Variants in ZCCHC14 observed in about 807,000 individuals in gnomAD.
The protein encoded by ZCCHC14 is zinc finger CCHC domain-containing protein 14.
A neutral mutation model predicts 85.0 loss-of-function variants in ZCCHC14; 16 were observed. That is an observed-to-expected ratio of 0.19 (90% CI 0.13 to 0.29). ZCCHC14 has a LOEUF of 0.29. Among genes scored for constraint, ZCCHC14 ranks in the 10% least tolerant of loss-of-function variants. The pLI, the probability that ZCCHC14 is intolerant of heterozygous loss-of-function variation, is 1.00. For missense variants in ZCCHC14, 1,303 were observed against 1,443.5 expected (o/e 0.90, Z 1.58); for synonymous variants, 775 against 630.7 (o/e 1.23, Z -3.43).
At chr16:87,485,644 G>A (rs1007358653) in intron 1 of ZCCHC14, among the ~76,000 whole-genome samples, 1 of 149,718 alleles carries the variant, frequency 6.7e-6, no homozygotes, top group African/African-American at 2.5e-5. Flanking sequence ...ATCCCTCTAA[G>A]GTGGGGGGCG....
Position 87,447,898 on chromosome 16 carries a change from G to C in ZCCHC14, c.694+12110C>G, listed in dbSNP as rs181902470. On this transcript the variant is annotated intron_variant, in intron 2 of 12. Coordinates refer to ENST00000671377, the MANE Select transcript of ZCCHC14 (RefSeq NM_015144.3). ...CTGACTTCCATTACCTCGGTGAATA[G>C]AAATGATACTCTCCTGTGGCTTTGA... is the stretch of plus-strand genomic sequence containing the variant. Among the ~76,000 whole-genome samples the C allele has an allele frequency of 2.1e-3, 321 of 152,278 alleles. 2 individuals carry two copies. The highest frequency in any genetic ancestry group is 7.3e-3 in the African/African-American group (302 of 41,544).
At position 87,492,273 on chromosome 16, in the gene ZCCHC14, G is replaced by C; in HGVS notation, c.-35C>G. Reference sequence around the variant, plus strand: ...CGCGCCGCGCCGCGACCCGGGGCCGGGGACCGCGCGGGGGCGGCCGGGGGG... The same window carrying C: ...CGCGCCGCGCCGCGACCCGGGGCCGCGGACCGCGCGGGGGCGGCCGGGGGG... On this transcript the variant is annotated 5_prime_UTR_variant, in exon 1 of 13. Coordinates refer to ENST00000671377, the MANE Select transcript of ZCCHC14 (RefSeq NM_015144.3). This position sits in a 1 kb window ranked among gnomAD's most constrained non-coding sequence, Gnocchi z 6.7. 1 of 978,232 alleles carries C rather than the reference G, an allele frequency of 1.0e-6. No homozygotes were observed. 60.6% of individuals were successfully genotyped at this position (978,232 alleles called of 1,614,324 possible).
intron 1 of ZCCHC14, among the ~76,000 whole-genome samples, chr16:87,487,043 C>T (rs1912541923): frequency 6.6e-6 from 1 of 152,244 alleles, no homozygotes; most frequent in Admixed American, 6.5e-5. Context: ...CATGTTTCAC[C>T]TCTGAACTGC....
intron 2 of ZCCHC14, among the ~76,000 whole-genome samples, chr16:87,438,899 T>A (rs1406321997): frequency 6.6e-6 from 1 of 152,212 alleles, no homozygotes. Context: ...AGAGGTGAAG[T>A]GTCCTGCCTC....
At chr16:87,437,690 C>A (rs1156499296) in intron 2 of ZCCHC14, among the ~76,000 whole-genome samples, 3 of 152,234 alleles carry the variant, frequency 2.0e-5, no homozygotes, top group Non-Finnish European at 4.4e-5. Flanking sequence ...TCTGTTCAAA[C>A]CTTTCTTCTT....
chr16:87,486,254 G>A (rs1399546507), intron 1 of ZCCHC14, among the ~76,000 whole-genome samples: 8 of 151,568 alleles, frequency 5.3e-5, no homozygotes, highest in Admixed American at 1.3e-4. Context: ...ATCCCAGCAC[G>A]GTCACGCACT....
intron 2 of ZCCHC14, among the ~76,000 whole-genome samples, chr16:87,445,191 G>C (rs976503398): frequency 3.3e-5 from 5 of 151,456 alleles, no homozygotes; most frequent in African/African-American, 9.7e-5. Context: ...CTCAGCCTCC[G>C]AAGCAGCTGG....
chr16:87,459,962 T>G (rs377131494), intron 2 of ZCCHC14, 46 bp downstream of exon 2: 1 of 1,612,882 alleles, frequency 6.2e-7, no homozygotes, highest in Non-Finnish European at 8.5e-7. Context: ...GGTGTGCCCA[T>G]CCTCCGTCCG....
intron 1 of ZCCHC14, among the ~76,000 whole-genome samples, chr16:87,464,080 C>T (rs181907503): frequency 3.9e-5 from 6 of 152,328 alleles, no homozygotes; most frequent in South Asian, 2.1e-4. Context: ...GTGATCAGTG[C>T]GTTCTCGCAC....
intron 1 of ZCCHC14, among the ~76,000 whole-genome samples, chr16:87,484,135 T>C (rs1912409713): frequency 6.6e-6 from 1 of 152,228 alleles, no homozygotes; most frequent in Non-Finnish European, 1.5e-5. Flanking sequence ...GTGTGCTATC[T>C]GCAAAGAGGG....
intron 1 of ZCCHC14, among the ~76,000 whole-genome samples, chr16:87,490,628 T>C (rs1378265577): frequency 6.6e-6 from 1 of 152,174 alleles, no homozygotes; most frequent in Non-Finnish European, 1.5e-5. Context: ...TAACCTAACA[T>C]TCCTTAAGGC....
intron 1 of ZCCHC14, among the ~76,000 whole-genome samples, chr16:87,485,744 C>T (rs1424157435): frequency 6.6e-6 from 1 of 152,092 alleles, no homozygotes; most frequent in African/African-American, 2.4e-5. Context: ...AGCGCGAGTA[C>T]CTCTTACTAT....
intron 1 of ZCCHC14, among the ~76,000 whole-genome samples, chr16:87,475,938 G>C (rs1220477435): frequency 1.3e-5 from 2 of 152,128 alleles, no homozygotes; most frequent in African/African-American, 4.8e-5. Context: ...TAAACACTTG[G>C]ACACATCACA....
intron 7 of ZCCHC14, 102 bp from the exon 8 acceptor site, chr16:87,417,844 C>G: frequency 1.4e-6 from 2 of 1,389,640 alleles, no homozygotes; most frequent in Non-Finnish European, 1.9e-6. Context: ...CAGCCTCTGC[C>G]TCTTGGCCGG....
chr16:87,473,193 T>C (rs1487762190), intron 1 of ZCCHC14: 3 of 151,832 alleles, frequency 2.0e-5, no homozygotes, highest in African/African-American at 7.3e-5. Flanking sequence ...AGGTTATCTT[T>C]ATCTACAGGA....
chr16:87,413,563 T>C (rs1250406404), intron 10 of ZCCHC14, among the ~76,000 whole-genome samples: 1 of 148,984 alleles, frequency 6.7e-6, no homozygotes, highest in African/African-American at 2.5e-5. Flanking sequence ...TTAAAATCCA[T>C]CCTGCCAGGT....
intron 2 of ZCCHC14, among the ~76,000 whole-genome samples, chr16:87,438,334 A>G (rs949344288): frequency 6.6e-6 from 1 of 152,256 alleles, no homozygotes; most frequent in Non-Finnish European, 1.5e-5. Context: ...TACAAGAATG[A>G]TATTATGAAA....
intron 1 of ZCCHC14, among the ~76,000 whole-genome samples, chr16:87,469,510 C>T (rs1307928245): frequency 6.6e-6 from 1 of 152,212 alleles, no homozygotes; most frequent in Admixed American, 6.5e-5. Flanking sequence ...GTGCTGGGTC[C>T]ACACAGGGCA....
At chr16:87,456,243 T>C (rs1259728650) in intron 2 of ZCCHC14, among the ~76,000 whole-genome samples, 1 of 152,074 alleles carries the variant, frequency 6.6e-6, no homozygotes, top group Non-Finnish European at 1.5e-5. Context: ...AGAATTTAGA[T>C]TTTAGGGCTG....
Sources: gnomAD v4.1 joint callset for allele counts (sites outside exome capture counted in the v4.1 genomes callset) on GRCh38, gnomAD v4.1.1 for gene constraint, Gnocchi (gnomAD v3.1) non-coding constraint, MANE v1.5 for transcripts, NCBI Gene and HGNC (gene_info 2026-07-23, HGNC 2026-07-21) for gene names.